The following PHF20L1 variants were observed in gnomAD, a reference collection of about 807,000 sequenced individuals.
PHF20L1 encodes the protein PHD finger protein 20-like protein 1.
A neutral mutation model predicts 125.5 loss-of-function variants in PHF20L1; 44 were observed. The ratio of observed to expected loss-of-function variants is 0.35; its 90% CI spans 0.28 to 0.45. PHF20L1 has a LOEUF of 0.45. Ranked by LOEUF, PHF20L1 falls within the 20% of genes least tolerant of loss-of-function variation. PHF20L1 has a pLI of 1.00. For synonymous variants in PHF20L1, 380 were observed against 403.1 expected (o/e 0.94, Z 0.69); for missense variants, 1,012 against 1,217.2 (o/e 0.83, Z 2.51).
At chr8:132,824,616 G>T (rs1001752421) in intron 13 of PHF20L1, 2 of 161,988 alleles carry the variant, frequency 1.2e-5, no homozygotes, top group African/African-American at 4.8e-5. Flanking sequence ...TAGCTAGTAG[G>T]ATATGTGTGA....
intron 8 of PHF20L1, chr8:132,810,361 T>G (rs954608352): frequency 5.3e-5 from 8 of 152,052 alleles, no homozygotes; most frequent in African/African-American, 1.9e-4. Flanking sequence ...TCTTTTAAAT[T>G]TGAGAATTAG....
At chr8:132,839,324 G>C in intron 17 of PHF20L1, 63 bp from the exon 18 acceptor site, 5 of 1,252,312 alleles carry the variant, frequency 4.0e-6, no homozygotes, top group Non-Finnish European at 5.8e-6. Flanking sequence ...TAGTAGGTTA[G>C]CAGTTGATGA....
intron 12 of PHF20L1, among the ~76,000 whole-genome samples, chr8:132,821,414 C>G (rs1474125725): frequency 1.3e-5 from 2 of 151,950 alleles, no homozygotes; most frequent in African/African-American, 4.8e-5. Context: ...TCAGTTCTAC[C>G]TCATCTGCCT....
chr8:132,815,395 C>G (rs1834853185), intron 10 of PHF20L1: 1 of 151,716 alleles, frequency 6.6e-6, no homozygotes, highest in South Asian at 2.1e-4. Context: ...TTCAGTACTT[C>G]TAATTTTTCA....
chr8:132,813,612 G>A (rs983935035), intron 9 of PHF20L1, among the ~76,000 whole-genome samples: 7 of 152,072 alleles, frequency 4.6e-5, no homozygotes, highest in Non-Finnish European at 8.8e-5. Context: ...TGTTTATAGT[G>A]CTAGCAGTCT....
In PHF20L1 at chr8:132,847,286, C is replaced by CT. The variant is rs1202967542; in HGVS notation, c.*1364dup. 6 of 152,474 alleles carry CT rather than the reference C, an allele frequency of 3.9e-5. No homozygotes were observed. The highest frequency in any genetic ancestry group is 7.4e-5 in the Non-Finnish European group (5 of 67,984). 9.4% of individuals were successfully genotyped at this position (152,474 alleles called of 1,614,324 possible). On this transcript the variant is annotated 3_prime_UTR_variant, in exon 21 of 21. Coordinates refer to ENST00000395386, the MANE Select transcript of PHF20L1 (RefSeq NM_016018.5). Reference sequence around the variant, plus strand: ...ACATGAAATGTTACCTTTTAACAGACTGTTTTTAAAAATTAAAAATGTATG... The same window carrying CT: ...ACATGAAATGTTACCTTTTAACAGACTTGTTTTTAAAAATTAAAAATGTATG...
intron 8 of PHF20L1, among the ~76,000 whole-genome samples, chr8:132,806,048 T>G (rs575652101): frequency 4.7e-4 from 71 of 152,056 alleles, no homozygotes; most frequent in Non-Finnish European, 5.3e-4. Context: ...GGAATAGTAT[T>G]TCTAACTCCT....
At chr8:132,826,931 T>C (rs990590997) in intron 14 of PHF20L1, 5 of 152,094 alleles carry the variant, frequency 3.3e-5, no homozygotes, top group African/African-American at 1.2e-4. Context: ...TGGTAATCAT[T>C]GTTGGTAAAT....
chr8:132,800,671 G>A (rs1439067331), intron 6 of PHF20L1, among the ~76,000 whole-genome samples: 2 of 151,668 alleles, frequency 1.3e-5, no homozygotes, highest in East Asian at 3.9e-4. Flanking sequence ...TAACACTTTT[G>A]TATATGCAAA....
intron 18 of PHF20L1, chr8:132,842,264 A>G (rs1034250031): frequency 9.2e-6 from 3 of 325,536 alleles, no homozygotes; most frequent in African/African-American, 4.3e-5. Flanking sequence ...AAAGAAATGC[A>G]TGTATCAAAT....
intron 8 of PHF20L1, chr8:132,807,864 A>G (rs1833919285): frequency 4.8e-6 from 2 of 418,478 alleles, no homozygotes; most frequent in African/African-American, 4.1e-5. Flanking sequence ...ATGCATTCTT[A>G]TTGGGCAATT....
rs1312256896 is a variant in PHF20L1, at chr8:132,842,807, C to G, written c.2680C>G (p.Gln894Glu). The change falls in exon 19 of 21, where the codon CAA becomes GAA. Residue 894 changes from glutamine (Q) to glutamate (E), a missense_variant. By Grantham distance (29) the Gln-to-Glu change is conservative (BLOSUM62 2). Coordinates refer to ENST00000395386, the MANE Select transcript of PHF20L1 (RefSeq NM_016018.5). ...DDDVSSLEEE[Q>E]EFHMRSKNSL... ...TGATGTTAGTAGTTTGGAAGAAGAA[C>G]AAGAATTCCACATGAGAAGTAAAAA... 2 of 1,612,798 alleles carry G rather than the reference C, an allele frequency of 1.2e-6. No individual in the cohort carries two copies. Among genetic ancestry groups the G allele is most frequent in the Non-Finnish European group, 1.7e-6 (2 of 1,179,184 alleles).
In PHF20L1 at chr8:132,817,498, C is replaced by T; in HGVS notation, c.1532C>T (p.Pro511Leu). 3 of 1,612,206 alleles carry T rather than the reference C, an allele frequency of 1.9e-6. No individual in the cohort carries two copies. Among genetic ancestry groups the T allele is most frequent in the Non-Finnish European group, 2.5e-6 (3 of 1,179,038 alleles). Residue 511 changes from proline (P) to leucine (L), a missense_variant, in exon 12 of 21, where the codon CCT becomes CTT. Physicochemically the swap from Pro to Leu is moderately conservative, Grantham distance 98 (BLOSUM62 -3). Around this residue, in one of 7 missense-constraint regions of PHF20L1, gnomAD observed 320 missense variants for 293.8 expected, o/e 1.09. Coordinates refer to ENST00000395386, the MANE Select transcript of PHF20L1 (RefSeq NM_016018.5). ...EKEDTQMLPN[P>L]SSKAIADGRG... Reference sequence around the variant, plus strand: ...GAGGATACACAGATGCTTCCAAATCCTTCTTCCAAAGCAATAGCTGATGGA... The same window carrying T: ...GAGGATACACAGATGCTTCCAAATCTTTCTTCCAAAGCAATAGCTGATGGA...
intron 14 of PHF20L1, among the ~76,000 whole-genome samples, chr8:132,827,991 T>C (rs933722901): frequency 3.3e-5 from 5 of 152,032 alleles, no homozygotes; most frequent in Admixed American, 1.3e-4. Context: ...TACTTTATCT[T>C]AGAAATGGCA....
chr8:132,842,797 GGAA>G lies in PHF20L1; in HGVS notation c.2677_2679del (p.Glu893del), dbSNP rs760755346. ...CAGATGATGATGATGTTAGTAGTTT[GGAA>G]GAAGAACAAGAATTCCACATGAGAA... On this transcript the variant is annotated inframe_deletion, in exon 19 of 21. Coordinates refer to ENST00000395386, the MANE Select transcript of PHF20L1 (RefSeq NM_016018.5). The G allele has an allele frequency of 1.4e-5, 22 of 1,612,806 alleles. No homozygotes were observed. The African/African-American group carries it at 2.1e-4, about 16-fold the overall frequency.
intron 2 of PHF20L1, 49 bp from the exon 3 acceptor site, chr8:132,794,361 A>G (rs1832144437): frequency 8.4e-7 from 1 of 1,195,480 alleles, no homozygotes; most frequent in African/African-American, 1.5e-5. Context: ...TGCTTTGTAT[A>G]AACAAATATA....
Position 132,845,920 on chromosome 8 carries a change from A to G in PHF20L1, c.3051A>G (p.Val1017=), listed in dbSNP as rs896054751. 3 of 1,610,748 alleles carry G rather than the reference A, an allele frequency of 1.9e-6. No individual in the cohort carries two copies. The highest frequency in any genetic ancestry group is 1.7e-5 in the Admixed American group (1 of 59,704). The stretch of plus-strand genomic sequence containing the variant: ...AGCAGATAGCAACTCTTTGCTCTGT[A>G]TGACAACAGTGAACACTTAATGAAA... ...KVQQIATLCS[V] Residue 1017 remains valine (V), a synonymous_variant, in exon 21 of 21, where the codon GTA becomes GTG. Coordinates refer to ENST00000395386, the MANE Select transcript of PHF20L1 (RefSeq NM_016018.5).
At chr8:132,785,492 A>C (rs1830911242) in intron 2 of PHF20L1, among the ~76,000 whole-genome samples, 1 of 152,178 alleles carries the variant, frequency 6.6e-6, no homozygotes, top group Non-Finnish European at 1.5e-5. Context: ...TCAGTAGTAC[A>C]ATTTTTAAAA....
intron 1 of PHF20L1, among the ~76,000 whole-genome samples, chr8:132,776,757 C>T (rs1353297688): frequency 2.0e-5 from 3 of 152,010 alleles, no homozygotes; most frequent in South Asian, 4.1e-4. Context: ...TTCTTTTTTT[C>T]TTTTTAAACT....
Sources: gnomAD v4.1 joint callset for allele counts (sites outside exome capture counted in the v4.1 genomes callset) on GRCh38, gnomAD v4.1.1 for gene constraint, gnomAD v4.1.1 regional missense constraint, MANE v1.5 for transcripts, NCBI Gene and HGNC (gene_info 2026-07-23, HGNC 2026-07-21) for gene names.